Variants in LRRC37A2 observed in about 807,000 individuals in gnomAD.
LRRC37A2 encodes the protein leucine-rich repeat-containing protein 37A2.
LRRC37A2 carries 9 observed loss-of-function variants against 68.8 expected under a neutral mutation model. That is an observed-to-expected ratio of 0.13 (90% CI 0.08 to 0.23). LRRC37A2 has a LOEUF of 0.23. Among genes scored for constraint, LRRC37A2 ranks in the 10% least tolerant of loss-of-function variants. The pLI is 1.00. For synonymous variants in LRRC37A2, 63 were observed against 367.6 expected, an observed-to-expected ratio of 0.17 and a Z score of 9.48; for missense variants, 168 against 950.4, an observed-to-expected ratio of 0.18 and a Z score of 10.82.
At chr17:46,997,590 A>G in the LRRC37A2 span, among the ~76,000 whole-genome samples, 2 of 152,236 alleles carry the variant, frequency 1.3e-5, no homozygotes, top group Non-Finnish European at 2.9e-5. Flanking sequence ...AGACAGAGAA[A>G]TGTGTATAAA....
chr17:46,928,889 C>G, the LRRC37A2 span, among the ~76,000 whole-genome samples: 1 of 152,154 alleles, frequency 6.6e-6, no homozygotes, highest in Non-Finnish European at 1.5e-5. Flanking sequence ...ATCCACATAA[C>G]TTACCTGGTT....
chr17:47,016,297 G>A, the LRRC37A2 span, among the ~76,000 whole-genome samples: 24 of 150,504 alleles, frequency 1.6e-4, no homozygotes, highest in Admixed American at 9.2e-4. Context: ...CCAGGCACTG[G>A]AATAAGATGA....
At chr17:46,941,928 C>A in the LRRC37A2 span, 7 of 985,176 alleles carry the variant, frequency 7.1e-6, no homozygotes, top group Non-Finnish European at 8.4e-6. Flanking sequence ...CCACTGTCTC[C>A]TAGACAGAAA....
chr17:46,769,036 C>T, the LRRC37A2 span, among the ~76,000 whole-genome samples: 2 of 152,210 alleles, frequency 1.3e-5, no homozygotes, highest in African/African-American at 2.4e-5. Context: ...GCATGAAATA[C>T]GAGTTGTTGC....
At chr17:46,708,929 A>T in the LRRC37A2 span, among the ~76,000 whole-genome samples, 1 of 146,140 alleles carries the variant, frequency 6.8e-6, no homozygotes, top group Non-Finnish European at 1.5e-5. Context: ...GGTTCAAGTG[A>T]TTCTCCTGCC....
chr17:46,764,999 T>C, the LRRC37A2 span, among the ~76,000 whole-genome samples: 2 of 152,244 alleles, frequency 1.3e-5, no homozygotes, highest in African/African-American at 2.4e-5. Context: ...ACGCCAGGCA[T>C]GCACTGTGTT....
At chr17:46,492,936 C>G in the LRRC37A2 span, among the ~76,000 whole-genome samples, 1 of 149,524 alleles carries the variant, frequency 6.7e-6, no homozygotes, top group African/African-American at 2.5e-5. Context: ...CCTCGTGATC[C>G]GCCCGCCTCG....
the LRRC37A2 span, among the ~76,000 whole-genome samples, chr17:46,608,045 C>T: frequency 1.6e-5 from 2 of 124,424 alleles, 1 homozygote; most frequent in African/African-American, 6.7e-5. Flanking sequence ...GCACGGTGGC[C>T]CACACCTGTA....
Position 46,534,905 on chromosome 17 carries a change from G to A in LRRC37A2, c.2907-5271G>A, listed in dbSNP as rs576957580. Among the ~76,000 whole-genome samples the A allele has an allele frequency of 9.4e-5, 14 of 149,200 alleles. No individual in the cohort carries two copies. The South Asian group carries it at 1.5e-3, about 16-fold the overall frequency. ...TTCTCAGACGGGGCGGCTGCTGGGC[G>A]GAGGGGCTCCTCACTTCTCAGATGG... On this transcript the variant is annotated intron_variant, in intron 6 of 14. Transcript: ENST00000576629.
At chr17:47,021,577 C>T in the LRRC37A2 span, 3 of 502,286 alleles carry the variant, frequency 6.0e-6, no homozygotes, top group African/African-American at 3.3e-5. Context: ...AGATAAAATA[C>T]TTACATTCAA....
the LRRC37A2 span, chr17:46,930,647 T>C: frequency 8.0e-6 from 1 of 125,686 alleles, no homozygotes; most frequent in Non-Finnish European, 1.5e-5. Flanking sequence ...CCCCTTCCTT[T>C]ATGCTTTTTT....
At chr17:46,866,327 C>A in the LRRC37A2 span, among the ~76,000 whole-genome samples, 2 of 152,022 alleles carry the variant, frequency 1.3e-5, no homozygotes, top group Non-Finnish European at 2.9e-5. Context: ...GAGCGGAGAG[C>A]ACAGGAGGGG....
chr17:46,690,528 C>A, the LRRC37A2 span, among the ~76,000 whole-genome samples: 1 of 65,672 alleles, frequency 1.5e-5, no homozygotes, highest in Non-Finnish European at 2.8e-5. Context: ...AGGAGAATGG[C>A]GTGAACCCGG....
the LRRC37A2 span, chr17:46,876,879 G>A: frequency 7.2e-7 from 1 of 1,391,848 alleles, no homozygotes; most frequent in East Asian, 2.6e-5. Flanking sequence ...TCCTTGGCCA[G>A]CCTTTTGCCT....
the LRRC37A2 span, among the ~76,000 whole-genome samples, chr17:46,983,257 C>G: frequency 1.3e-5 from 2 of 151,534 alleles, no homozygotes; most frequent in Admixed American, 1.3e-4. Flanking sequence ...GCTAACCACT[C>G]CTCCTTCTGT....
At chr17:46,923,245 C>G in the LRRC37A2 span, 44 of 1,550,690 alleles carry the variant, frequency 2.8e-5, no homozygotes, top group South Asian at 5.2e-4. Context: ...GGGGAGCGGG[C>G]AGGGGCTAGA....
the LRRC37A2 span, among the ~76,000 whole-genome samples, chr17:46,902,446 G>A: frequency 1.3e-5 from 2 of 148,180 alleles, no homozygotes; most frequent in African/African-American, 2.6e-5. Flanking sequence ...TTGAAATCTC[G>A]ATAAGGGAAC....
At chr17:46,846,004 T>A in the LRRC37A2 span, among the ~76,000 whole-genome samples, 2 of 152,128 alleles carry the variant, frequency 1.3e-5, no homozygotes, top group East Asian at 3.9e-4. Flanking sequence ...TTGGCCAGGG[T>A]GGTCTTGAAC....
the LRRC37A2 span, among the ~76,000 whole-genome samples, chr17:46,735,592 C>T: frequency 1.3e-5 from 2 of 152,042 alleles, no homozygotes; most frequent in Non-Finnish European, 2.9e-5. Flanking sequence ...TCATGTGTTA[C>T]CTACTCTGTT....
Sources: allele counts gnomAD v4.1 joint callset (sites outside exome capture counted in the v4.1 genomes callset), GRCh38; gene constraint gnomAD v4.1.1; transcripts MANE v1.5; gene names NCBI Gene and HGNC (gene_info 2026-07-23, HGNC 2026-07-21).